Variants in MUTYH observed in about 807,000 individuals in gnomAD.
MUTYH encodes the protein mutY DNA glycosylase, also known as adenine DNA glycosylase.
MUTYH carries 64 observed loss-of-function variants against 72.9 expected under a neutral mutation model. That is an observed-to-expected ratio of 0.88 (90% CI 0.72 to 1.08). MUTYH has a LOEUF of 1.08. Among genes scored for constraint, MUTYH ranks in the 50% least tolerant of loss-of-function variants. The pLI is 0.00. For missense variants in MUTYH, 633 were observed against 671.0 expected (o/e 0.94, Z 0.63); for synonymous variants, 234 against 263.1 (o/e 0.89, Z 1.07).
intron 15 of MUTYH, chr1:45,329,779 A>C: frequency 3.5e-6 from 1 of 288,968 alleles, no homozygotes; most frequent in Admixed American, 4.6e-5. Flanking sequence ...TGCAGCCTGC[A>C]CTGGGCTCCA....
chr1:45,329,876 G>C (rs910704192), intron 15 of MUTYH: 3 of 173,544 alleles, frequency 1.7e-5, no homozygotes, highest in Non-Finnish European at 2.5e-5. Context: ...TTCATTTCTA[G>C]GACGAAGATT....
intron 1 of MUTYH, chr1:45,338,746 T>TTG (rs764258194): frequency 6.8e-4 from 64 of 93,700 alleles, no homozygotes; most frequent in Non-Finnish European, 1.3e-3. Flanking sequence ...TTATTTTTGT[T>TTG]TTTTTTTTGT....
At chr1:45,333,623 GAC>G in intron 2 of MUTYH, 62 bp from the exon 3 acceptor site, 1 of 1,593,016 alleles carries the variant, frequency 6.3e-7, no homozygotes, top group Non-Finnish European at 8.6e-7. Context: ...AGGGTCTTGG[GAC>G]ACAGCAGCCT....
intron 2 of MUTYH, 27 bp downstream of exon 2, chr1:45,334,364 G>A (rs751990833): frequency 3.1e-6 from 5 of 1,613,470 alleles, no homozygotes; most frequent in South Asian, 1.1e-5. Context: ...TGGCCAATGA[G>A]CCTTGGGCCA....
chr1:45,335,307 G>C (rs1019674971), intron 1 of MUTYH, among the ~76,000 whole-genome samples: 2 of 152,052 alleles, frequency 1.3e-5, no homozygotes, highest in Non-Finnish European at 2.9e-5. Flanking sequence ...GAGGTTTATG[G>C]AGATTAAGCG....
At position 45,333,287 on chromosome 1, in the gene MUTYH, G is replaced by C. The variant is rs1645310232; in HGVS notation, c.302C>G (p.Ala101Gly). 1.2e-6 allele frequency: 2 copies of C among 1,614,212 alleles called. No individual in the cohort carries two copies. The highest frequency in any genetic ancestry group is 2.2e-5 in the South Asian group (2 of 91,092). The part of the protein sequence containing the change: ...DEMDLDRRAY[A>G]VWVSEVMLQQ... ...CTGCTCTCAGGAGATGTACTGACCA[G>C]CATATGCCCGCCTGTCCAGGTCCAT... Residue 101 changes from alanine (A) to glycine (G), a missense_variant and splice_region_variant, in exon 4 of 16, where the codon GCT (alanine) becomes GGT (glycine). Coordinates refer to ENST00000456914, the MANE Select transcript of MUTYH (RefSeq NM_001048174.2).
rs375084663 is a variant in MUTYH at position 45,334,407 on chromosome 1, C to A, written c.99G>T (p.Lys33Asn). 1 of 1,614,154 alleles carries A rather than the reference C, an allele frequency of 6.2e-7. No homozygotes were observed. Among genetic ancestry groups the A allele is most frequent in the South Asian group, 1.1e-5 (1 of 91,088 alleles). ...GTTCCTTACCATCACAGGCAGAAGGCTTGGCCTGACTGTTGTTCTTAGCAT... is the reference window on the plus strand; with the variant it reads ...GTTCCTTACCATCACAGGCAGAAGGATTGGCCTGACTGTTGTTCTTAGCAT... ...QKHAKNNSQA[K>N]PSACDGLARQ... Residue 33 changes from lysine (K) to asparagine (N), a missense_variant, in exon 2 of 16, where the codon AAG (lysine) becomes AAT (asparagine). Coordinates refer to ENST00000456914, the MANE Select transcript of MUTYH (RefSeq NM_001048174.2).
chr1:45,333,715 A>G (rs1645418054), intron 2 of MUTYH, 154 bp from the exon 3 acceptor site: 1 of 1,145,814 alleles, frequency 8.7e-7, no homozygotes, highest in East Asian at 2.6e-5. Context: ...AGAGTTATGT[A>G]ATTGTGTGTA....
At chr1:45,337,037 C>T (rs1187952312) in intron 1 of MUTYH, among the ~76,000 whole-genome samples, 2 of 152,152 alleles carry the variant, frequency 1.3e-5, no homozygotes, top group Non-Finnish European at 2.9e-5. Context: ...ACTTCCTTCA[C>T]CAAACCTGCT....
chr1:45,339,723 C>G, intron 1 of MUTYH, 176 bp downstream of exon 1: 2 of 869,452 alleles, frequency 2.3e-6, no homozygotes, highest in Non-Finnish European at 3.3e-6. Context: ...GCCTCTTTCA[C>G]TTTCTGGAGA....
In MUTYH at chr1:45,332,147, C is replaced by G. The variant is rs1294103469; in HGVS notation, c.849+19G>C. 6.2e-7 allele frequency: 1 copy of G among 1,614,088 alleles called. No individual in the cohort carries two copies. Among genetic ancestry groups the G allele is most frequent in the Non-Finnish European group, 8.5e-7 (1 of 1,180,050 alleles). On this transcript the variant is annotated intron_variant, in intron 10 of 15. Coordinates refer to ENST00000456914, the MANE Select transcript of MUTYH (RefSeq NM_001048174.2). The stretch of plus-strand genomic sequence containing the variant: ...TCACTCCTTAGGACTTCTCACTGCC[C>G]CTTCCCCAGTAGGCTTACTCTCTGG...
rs587781295 is a variant in MUTYH, at chr1:45,333,166, C to A, written c.309G>T (p.Trp103Cys). The change falls in exon 5 of 16, where the codon TGG becomes TGT. Residue 103 changes from tryptophan (W) to cysteine (C), a missense_variant. Coordinates refer to ENST00000456914, the MANE Select transcript of MUTYH (RefSeq NM_001048174.2). ...TCTGCTGCAGCATGACCTCTGAGAC[C>A]CACACTGGGGGAAAGGGGTTGGCAT... ...MDLDRRAYAV[W>C]VSEVMLQQTQ... The A allele has an allele frequency of 1.2e-6, 2 of 1,614,178 alleles. No individual in the cohort carries two copies. The highest frequency in any genetic ancestry group is 1.7e-6 in the Non-Finnish European group (2 of 1,180,020).
At chr1:45,338,654 T>C (rs1049094126) in intron 1 of MUTYH, 5 of 195,036 alleles carry the variant, frequency 2.6e-5, no homozygotes, top group Non-Finnish European at 3.2e-5. Context: ...ACACAATAGA[T>C]ACCTGTTAAA....
In MUTYH at chr1:45,339,862, T is replaced by C. The variant is rs372487707; in HGVS notation, c.-7+37A>G. 3,660 of 1,359,102 alleles carry C rather than the reference T, an allele frequency of 2.7e-3. 5 individuals carry two copies. The highest frequency in any genetic ancestry group is 3.3e-3 in the Non-Finnish European group (3,363 of 1,024,242). 84.2% of individuals were successfully genotyped at this position (1,359,102 alleles called of 1,614,324 possible). ...TCAGCTCAGGCAGCGTCACCTTCTC[T>C]GGAAAGCCCAAACCCAGCCACCCCA... is the stretch of plus-strand genomic sequence containing the variant. On this transcript the variant is annotated intron_variant, in intron 1 of 15. Coordinates refer to ENST00000456914, the MANE Select transcript of MUTYH (RefSeq NM_001048174.2).
chr1:45,339,205 A>ATTTT (rs60609540), intron 1 of MUTYH, among the ~76,000 whole-genome samples: 43 of 118,194 alleles, frequency 3.6e-4, no homozygotes, highest in African/African-American at 8.6e-4. Context: ...TCCAATAGGA[A>ATTTT]TTTTTTTTTT....
At chr1:45,338,696 G>C (rs1646344758) in intron 1 of MUTYH, 1 of 177,836 alleles carries the variant, frequency 5.6e-6, no homozygotes, top group South Asian at 1.9e-4. Context: ...AGTCAAAAGA[G>C]TTTCCCTTTT....
At chr1:45,333,823 G>A (rs1231076959) in intron 2 of MUTYH, among the ~76,000 whole-genome samples, 1 of 152,190 alleles carries the variant, frequency 6.6e-6, no homozygotes, top group Admixed American at 6.6e-5. Context: ...CAGCTAGAAT[G>A]TATACTGGTG....
Position 45,329,330 on chromosome 1 carries a change from G to A in MUTYH, c.1542C>T (p.His514=), listed in dbSNP as rs1209611812. 1.9e-6 allele frequency: 3 copies of A among 1,614,216 alleles called. No individual in the cohort carries two copies. The highest frequency in any genetic ancestry group is 2.5e-6 in the Non-Finnish European group (3 of 1,180,030). ...FFRSHISTDA[H]SLNSAAQ is the part of the protein sequence containing the mutation. Reference sequence around the variant, plus strand: ...GTCACTGGGCTGCACTGTTGAGGCTGTGTGCATCAGTGGAGATGTGAGACC... The same window carrying A: ...GTCACTGGGCTGCACTGTTGAGGCTATGTGCATCAGTGGAGATGTGAGACC... The change falls in exon 16 of 16, where the codon CAC becomes CAT. Residue 514 remains histidine (H), a synonymous_variant. Transcript: ENST00000456914.
Position 45,332,610 on chromosome 1 carries a change from G to A in MUTYH, c.570C>T (p.Tyr190=), listed in dbSNP as rs778899897. The A allele has an allele frequency of 1.9e-6, 3 of 1,614,160 alleles. No individual in the cohort carries two copies. The East Asian group carries it at 6.7e-5, about 36-fold the overall frequency. ...CGATAGAGGCAATGGCCCCAGCTGT[G>A]TAGCGCCCCACGCCAGGCAGGAGCT... is the stretch of plus-strand genomic sequence containing the variant. ...LQQLLPGVGR[Y]TAGAIASIAF... is the part of the protein sequence containing the mutation. Residue 190 remains tyrosine (Y), a synonymous_variant, in exon 8 of 16, where the codon TAC becomes TAT. Coordinates refer to ENST00000456914, the MANE Select transcript of MUTYH (RefSeq NM_001048174.2).
Sources: allele counts gnomAD v4.1 joint callset (sites outside exome capture counted in the v4.1 genomes callset), GRCh38; gene constraint gnomAD v4.1.1; transcripts MANE v1.5; gene names NCBI Gene and HGNC (gene_info 2026-07-23, HGNC 2026-07-21).